Variants in GTF3C3 observed in about 807,000 individuals in gnomAD.
GTF3C3 encodes general transcription factor 3C polypeptide 3.
Under a neutral mutation model 105.2 loss-of-function variants are expected in GTF3C3, and 75 were observed. The ratio of observed to expected loss-of-function variants is 0.71; its 90% confidence interval spans 0.59 to 0.86. GTF3C3 has a LOEUF of 0.86. Among genes scored for constraint, GTF3C3 ranks in the 40% least tolerant of loss-of-function variants. GTF3C3 has a pLI of 0.00. For missense variants in GTF3C3, 856 were observed against 1,076.5 expected, an observed-to-expected ratio of 0.80 and a Z score of 2.87; for synonymous variants, 335 against 370.4, an observed-to-expected ratio of 0.90 and a Z score of 1.10.
intron 2 of GTF3C3, among the ~76,000 whole-genome samples, chr2:196,796,495 C>T (rs994261470): frequency 1.3e-5 from 2 of 152,314 alleles, no homozygotes; most frequent in Non-Finnish European, 2.9e-5. Context: ...CAACTTCAGT[C>T]AGCTGCCTTT....
chr2:196,798,987 TG>T (rs1699698257), intron 1 of GTF3C3, among the ~76,000 whole-genome samples: 1 of 151,978 alleles, frequency 6.6e-6, no homozygotes, highest in South Asian at 2.1e-4. Flanking sequence ...TTTCTAAGTA[TG>T]GGGAAAAAAA....
In GTF3C3 at chr2:196,764,428, A is replaced by AAAAT. The variant is rs537623781; in HGVS notation, c.*131_*134dup. ...ACCACAAGATCATTATCACATATTA[A>AAAAT]AAATAAATACACTGTTTGTTAGGTA... On this transcript the variant is annotated 3_prime_UTR_variant, in exon 18 of 18. Transcript: ENST00000263956. The AAAAT allele has an allele frequency of 2.3e-4, 191 of 814,770 alleles. No individual in the cohort carries two copies. In the African/African-American group the frequency reaches 3.1e-3, roughly 13 times the overall value. The allele number at this position is 814,770 out of a possible 1,614,324, so 50.5% of individuals were successfully genotyped here. A position where few individuals can be genotyped will look rare whatever the true frequency, so the allele number is the denominator to read the frequency against.
At chr2:196,792,909 G>A in intron 3 of GTF3C3, 47 bp downstream of exon 3, 1 of 1,285,884 alleles carries the variant, frequency 7.8e-7, no homozygotes, top group Non-Finnish European at 1.1e-6. Flanking sequence ...CAATTACTAT[G>A]TCACTTTCTT....
chr2:196,771,781 CA>C lies in GTF3C3; in HGVS notation c.2226del (p.Asn742LysfsTer32). The C allele has an allele frequency of 6.2e-7, 1 of 1,613,310 alleles. No individual in the cohort carries two copies. Reference sequence around the variant, plus strand: ...TGCTTAAAACTACCAGATACAAATGCATTGTGTCCATTTAAGACACATAGGG... The same window carrying C: ...TGCTTAAAACTACCAGATACAAATGCTTGTGTCCATTTAAGACACATAGGG... ...NHALCVLNGH[N>X]AFVSGSFKHA... On this transcript the variant is annotated frameshift_variant, in exon 15 of 18. Coordinates refer to ENST00000263956, the MANE Select transcript of GTF3C3 (RefSeq NM_012086.5). LOFTEE classifies it high-confidence loss of function.
intron 8 of GTF3C3, among the ~76,000 whole-genome samples, chr2:196,781,844 C>G (rs1330744994): frequency 6.6e-6 from 1 of 152,164 alleles, no homozygotes; most frequent in Non-Finnish European, 1.5e-5. Flanking sequence ...TCCATGAGGA[C>G]AAGAACCATG....
At chr2:196,784,988 G>C (rs1357602221) in intron 7 of GTF3C3, 59 bp from the exon 8 acceptor site, 1 of 1,106,036 alleles carries the variant, frequency 9.0e-7, no homozygotes, top group Non-Finnish European at 1.4e-6. Context: ...ATTTCATAAT[G>C]CAAAGATTTG....
In GTF3C3 at chr2:196,776,817, A is replaced by G. The variant is rs1184920167; in HGVS notation, c.1391-188T>C. Among the ~76,000 whole-genome samples, 1 of 152,224 alleles carries G rather than the reference A, an allele frequency of 6.6e-6. No homozygotes were observed. The highest frequency in any genetic ancestry group is 1.5e-5 in the Non-Finnish European group (1 of 68,036). On this transcript the variant is annotated intron_variant, in intron 10 of 17. Coordinates refer to ENST00000263956, the MANE Select transcript of GTF3C3 (RefSeq NM_012086.5). This position sits in a 1 kb window ranked among gnomAD's most constrained non-coding sequence, Gnocchi z 4.5. The stretch of plus-strand genomic sequence containing the variant: ...ATCGATCTAATAAATTTAAATTGCT[A>G]AGGAGTAATCAGTGTATACATATAA...
chr2:196,788,179 T>C (rs1559304141), intron 6 of GTF3C3, among the ~76,000 whole-genome samples: 1 of 152,188 alleles, frequency 6.6e-6, no homozygotes, highest in Non-Finnish European at 1.5e-5. Flanking sequence ...TTCCTAGAAA[T>C]GTTTTCTAGT....
In GTF3C3 at chr2:196,772,942, A is replaced by G; in HGVS notation, c.2043T>C (p.Asn681=). Residue 681 remains asparagine (N), a synonymous_variant, in exon 14 of 18, where the codon AAT becomes AAC. Coordinates refer to ENST00000263956, the MANE Select transcript of GTF3C3 (RefSeq NM_012086.5). The part of the protein sequence containing the change: ...FGLSAAILDK[N]FRKAYNYIRI... ...TGATATAGTTGTATGCCTTTCTGAA[A>G]TTTTTGTCCAGAATTGCAGCAGACA... The G allele has an allele frequency of 6.3e-7, 1 of 1,577,658 alleles. No homozygotes were observed. The highest frequency in any genetic ancestry group is 8.6e-7 in the Non-Finnish European group (1 of 1,164,042).
At position 196,769,959 on chromosome 2, in the gene GTF3C3, C is replaced by A; in HGVS notation, c.2341G>T (p.Ala781Ser). The stretch of plus-strand genomic sequence containing the variant: ...CTCCGTAACACATACTTCTGAGATG[C>A]CATATGAATAAAGGTTAGGCCTATA... ...FCIGLTFIHM[A>S]SQKYVLRRHA... Residue 781 changes from alanine to serine, a missense_variant, in exon 16 of 18, where the codon GCA (alanine) becomes TCA (serine). Coordinates refer to ENST00000263956, the MANE Select transcript of GTF3C3 (RefSeq NM_012086.5). The A allele has an allele frequency of 1.2e-6, 2 of 1,603,434 alleles. No individual in the cohort carries two copies. The highest frequency in any genetic ancestry group is 1.7e-6 in the Non-Finnish European group (2 of 1,174,764).
At chr2:196,799,250 C>G (rs1012272233) in intron 1 of GTF3C3, 1 of 408,136 alleles carries the variant, frequency 2.5e-6, no homozygotes, top group African/African-American at 2.0e-5. Context: ...CAGCGTTAAG[C>G]TACCCTGAAA....
intron 17 of GTF3C3, 107 bp from the exon 18 acceptor site, chr2:196,764,792 T>C: frequency 4.2e-6 from 4 of 942,724 alleles, no homozygotes; most frequent in East Asian, 2.4e-5. Flanking sequence ...TCAAAAGGTA[T>C]TAAAGCTCAT....
rs141271158 is a variant in GTF3C3, at chr2:196,793,171, A to C, written c.215-19T>G. On this transcript the variant is annotated intron_variant, in intron 2 of 17. Coordinates refer to ENST00000263956, the MANE Select transcript of GTF3C3 (RefSeq NM_012086.5). ...GTTTCTCCTGAGAAAAGAGACATTGATGGGGGAGGGGTGGGGAAGCTGCAG... is the reference window on the plus strand; with the variant it reads ...GTTTCTCCTGAGAAAAGAGACATTGCTGGGGGAGGGGTGGGGAAGCTGCAG... 39 of 1,541,232 alleles carry C rather than the reference A, an allele frequency of 2.5e-5. No homozygotes were observed. In the African/African-American group the frequency reaches 5.3e-4, roughly 21 times the overall value.
chr2:196,767,983 T>C (rs1163663860), intron 16 of GTF3C3, among the ~76,000 whole-genome samples: 1 of 152,212 alleles, frequency 6.6e-6, no homozygotes, highest in African/African-American at 2.4e-5. Flanking sequence ...GTACTGTGAA[T>C]TATCAAATTT....
At chr2:196,799,439 T>C in intron 1 of GTF3C3, 71 bp downstream of exon 1, 1 of 1,156,936 alleles carries the variant, frequency 8.6e-7, no homozygotes, top group Non-Finnish European at 1.3e-6. Context: ...AAAGCGGTCG[T>C]CTGGGTCCCC....
rs982776919 is a variant in GTF3C3 at position 196,785,326 on chromosome 2, T to C, written c.1041+115A>G. The C allele has an allele frequency of 1.0e-5, 7 of 688,018 alleles. No homozygotes were observed. The East Asian group carries it at 1.1e-4, about 11-fold the overall frequency. 42.6% of individuals were successfully genotyped at this position (688,018 alleles called of 1,614,324 possible). A position where few individuals can be genotyped will look rare whatever the true frequency, so the allele number is the denominator to read the frequency against. On this transcript the variant is annotated intron_variant, in intron 7 of 17. Coordinates refer to ENST00000263956, the MANE Select transcript of GTF3C3 (RefSeq NM_012086.5). ...AATCTAGAAATCACTTGTTTCCATA[T>C]AGACTTTAAATATATACATAATTTA...
chr2:196,770,159 A>G, intron 15 of GTF3C3, 120 bp from the exon 16 acceptor site: 1 of 782,014 alleles, frequency 1.3e-6, no homozygotes, highest in Admixed American at 3.4e-5. Context: ...TCTATCTTAA[A>G]TAGCAACCAG....
rs930933627 is a variant in GTF3C3 at position 196,764,381 on chromosome 2, G to A, written c.*182C>T. The stretch of plus-strand genomic sequence containing the variant: ...ATGACAGACCAATATACAAATTTTT[G>A]TAGGAATAATTTTGCATATATACCA... On this transcript the variant is annotated 3_prime_UTR_variant, in exon 18 of 18. Transcript: ENST00000263956. The A allele has an allele frequency of 1.5e-5, 7 of 481,524 alleles. No individual in the cohort carries two copies. The highest frequency in any genetic ancestry group is 3.3e-5 in the East Asian group (1 of 29,978). The allele number at this position is 481,524 out of a possible 1,614,324, so 29.8% of individuals were successfully genotyped here.
chr2:196,769,411 G>C (rs901988771), intron 16 of GTF3C3, among the ~76,000 whole-genome samples: 3 of 152,174 alleles, frequency 2.0e-5, no homozygotes, highest in Non-Finnish European at 4.4e-5. Flanking sequence ...CAATATTTCT[G>C]ATCTGCTGGA....
Sources: allele counts gnomAD v4.1 joint callset (sites outside exome capture counted in the v4.1 genomes callset), GRCh38; gene constraint gnomAD v4.1.1; non-coding constraint Gnocchi (gnomAD v3.1); transcripts MANE v1.5; gene names NCBI Gene and HGNC (gene_info 2026-07-23, HGNC 2026-07-21).